The following BAHCC1 variants were observed in gnomAD, a reference collection of about 807,000 sequenced individuals.
The protein encoded by BAHCC1 is BAH and coiled-coil domain-containing protein 1.
Under a neutral mutation model 88.2 loss-of-function variants are expected in BAHCC1, and 43 were observed. That is an observed-to-expected ratio of 0.49 (90% CI 0.38 to 0.63). The LOEUF is 0.63. Ranked by LOEUF, BAHCC1 falls within the 20% of genes least tolerant of loss-of-function variation. BAHCC1 has a pLI of 0.00. For missense variants in BAHCC1, 3,023 were observed against 1,654.8 expected (o/e 1.83, Z -14.34); for synonymous variants, 1,510 against 745.5 (o/e 2.03, Z -16.71).
chr17:81,438,797 C>T (rs1353017037), intron 4 of BAHCC1, among the ~76,000 whole-genome samples: 2 of 152,196 alleles, frequency 1.3e-5, no homozygotes, highest in African/African-American at 4.8e-5. Flanking sequence ...CCACCGGCTT[C>T]CTCAGGACCT....
chr17:81,396,711 C>A (rs1215496664), intron 1 of BAHCC1: 1 of 152,212 alleles, frequency 6.6e-6, no homozygotes. Flanking sequence ...AGCTCCAGAT[C>A]CTGGAGCGCG....
chr17:81,451,457 GC>G (rs1598499528), intron 11 of BAHCC1, among the ~76,000 whole-genome samples: 1 of 152,200 alleles, frequency 6.6e-6, no homozygotes, highest in East Asian at 1.9e-4. Flanking sequence ...AGCTGGCCCT[GC>G]CTTACCACCA....
chr17:81,416,991 C>T (rs1555648828), intron 2 of BAHCC1, among the ~76,000 whole-genome samples: 2 of 152,144 alleles, frequency 1.3e-5, no homozygotes, highest in Non-Finnish European at 2.9e-5. Flanking sequence ...CCGTGTTGTC[C>T]CCTGCATGTC....
intron 10 of BAHCC1, 109 bp downstream of exon 10, chr17:81,445,790 T>C: frequency 1.6e-6 from 1 of 637,724 alleles, no homozygotes; most frequent in Non-Finnish European, 2.9e-6. Context: ...GCGCCACACC[T>C]GCCCAGACCC....
Position 81,442,703 on chromosome 17 carries a change from C to T in BAHCC1, c.1354C>T (p.Arg452Trp), listed in dbSNP as rs1170857681. The T allele has an allele frequency of 3.9e-6, 3 of 773,992 alleles. No individual in the cohort carries two copies. Among genetic ancestry groups the T allele is most frequent in the Non-Finnish European group, 7.2e-6 (3 of 415,590 alleles). 47.9% of individuals were successfully genotyped at this position (773,992 alleles called of 1,614,324 possible). Reference sequence around the variant, plus strand: ...CCTGAAGGCCGAGGGCAAGGGCGAGCGGCGGCCTGGGGGCTTTGAGGCGGC... The same window carrying T: ...CCTGAAGGCCGAGGGCAAGGGCGAGTGGCGGCCTGGGGGCTTTGAGGCGGC... ...AHLKAEGKGE[R>W]RPGGFEAALN... The change falls in exon 5 of 28, where the codon CGG becomes TGG. Residue 452 changes from arginine (R) to tryptophan (W), a missense_variant. By Grantham distance (101) the Arg-to-Trp change is moderately radical. Coordinates refer to ENST00000675386, the MANE Select transcript of BAHCC1 (RefSeq NM_001377448.1).
At chr17:81,418,778 T>TGTGC (rs2064069294) in intron 2 of BAHCC1, among the ~76,000 whole-genome samples, 1 of 108,966 alleles carries the variant, frequency 9.2e-6, no homozygotes, top group Non-Finnish European at 2.1e-5. Flanking sequence ...TGTGTGTACG[T>TGTGC]GTGTGTGTAC....
rs144370866 is a variant in BAHCC1 at position 81,440,713 on chromosome 17, C to T, written c.482-1118C>T. 3.5e-3 allele frequency among the ~76,000 whole-genome samples: 536 copies of T among 152,250 alleles called. 16 individuals are homozygous for T. The South Asian group carries it at 0.062, about 18-fold the overall frequency. ...CTAGCCGGGAAGGGAGGGCCCAGAC[C>T]GAGGGCCCAGGCTGGGCAACCGTTT... On this transcript the variant is annotated intron_variant, in intron 4 of 27. Transcript: ENST00000675386.
At chr17:81,438,964 C>T (rs1239010410) in intron 4 of BAHCC1, among the ~76,000 whole-genome samples, 3 of 152,044 alleles carry the variant, frequency 2.0e-5, no homozygotes, top group Non-Finnish European at 4.4e-5. Context: ...AGGCCCAGCC[C>T]CCAGCCCCCA....
chr17:81,431,023 G>A (rs1183385305), intron 3 of BAHCC1, among the ~76,000 whole-genome samples: 59 of 148,078 alleles, frequency 4.0e-4, no homozygotes, highest in East Asian at 8.0e-4. Flanking sequence ...GGGTCTCGGC[G>A]TGGGGGTGGA....
rs2064316487 is a variant in BAHCC1, at chr17:81,434,979, C to T, written c.359-3391C>T. ...TCCCCAGGGGTGAGAAGCCACCAGG[C>T]CTCCCTTCTCCAGGTGGGCAGGAGG... On this transcript the variant is annotated intron_variant, in intron 3 of 27. Coordinates refer to ENST00000675386, the MANE Select transcript of BAHCC1 (RefSeq NM_001377448.1). This position sits in a 1 kb window ranked among gnomAD's most constrained non-coding sequence, Gnocchi z 4.9. Among the ~76,000 whole-genome samples, 1 of 152,008 alleles carries T rather than the reference C, an allele frequency of 6.6e-6. No homozygotes were observed. Among genetic ancestry groups the T allele is most frequent in the Non-Finnish European group, 1.5e-5 (1 of 67,938 alleles).
In BAHCC1 at chr17:81,442,784, T is replaced by G. The variant is rs2064446854; in HGVS notation, c.1435T>G (p.Ser479Ala). Residue 479 changes from serine to alanine, a missense_variant, in exon 5 of 28, where the codon TCC (serine) becomes GCC (alanine). Ser to Ala is a moderately conservative substitution (Grantham distance 99, BLOSUM62 1). Transcript: ENST00000675386. ...TCTCAGCAGCGCAGGCCCCGAGGCC[T>G]CCTTCCCCGGACTCCCTAAAAGCGG... ...DYLSSAGPEA[S>A]FPGLPKSGLD... The G allele has an allele frequency of 1.3e-6, 1 of 779,410 alleles. No individual in the cohort carries two copies. Among genetic ancestry groups the G allele is most frequent in the African/African-American group, 1.7e-5 (1 of 59,152 alleles). 48.3% of individuals were successfully genotyped at this position (779,410 alleles called of 1,614,324 possible).
intron 4 of BAHCC1, among the ~76,000 whole-genome samples, chr17:81,439,903 C>T (rs1555652242): frequency 6.6e-6 from 1 of 152,148 alleles, no homozygotes; most frequent in Non-Finnish European, 1.5e-5. Context: ...GCCCCTCAGC[C>T]CCTTCTCCCC....
Position 81,455,393 on chromosome 17 carries a change from G to A in BAHCC1, c.4569+3G>A. On this transcript the variant is annotated splice_donor_region_variant and intron_variant, in intron 15 of 27. Transcript: ENST00000675386. Reference sequence around the variant, plus strand: ...CGGGCCTGCAGACTGCCTCCGTGGTGAGTGCCGAGGCGCCCGCCTTGCCCC... The same window carrying A: ...CGGGCCTGCAGACTGCCTCCGTGGTAAGTGCCGAGGCGCCCGCCTTGCCCC... The A allele has an allele frequency of 1.4e-6, 1 of 715,456 alleles. No homozygotes were observed. Among genetic ancestry groups the A allele is most frequent in the East Asian group, 2.7e-5 (1 of 37,282 alleles). The allele number at this position is 715,456 out of a possible 1,614,324, so 44.3% of individuals were successfully genotyped here. A position where few individuals can be genotyped will look rare whatever the true frequency, so the allele number is the denominator to read the frequency against.
At position 81,434,824 on chromosome 17, in the gene BAHCC1, G is replaced by A. The variant is rs1219152127; in HGVS notation, c.359-3546G>A. ...GCTGGCCTGGAGAGGGCAGGGCCTC[G>A]ACGTGCGGGGCTGTTGGGAAAATGT... is the stretch of plus-strand genomic sequence containing the variant. On this transcript the variant is annotated intron_variant, in intron 3 of 27. Transcript: ENST00000675386. This position sits in a 1 kb window ranked among gnomAD's most constrained non-coding sequence, Gnocchi z 4.9. Among the ~76,000 whole-genome samples the A allele has an allele frequency of 2.6e-5, 4 of 152,086 alleles. No individual in the cohort carries two copies. The highest frequency in any genetic ancestry group is 1.9e-4 in the East Asian group (1 of 5,182).
chr17:81,432,129 C>T (rs1255522269), intron 3 of BAHCC1, among the ~76,000 whole-genome samples: 3 of 152,204 alleles, frequency 2.0e-5, no homozygotes, highest in African/African-American at 7.2e-5. Flanking sequence ...GATACAGACA[C>T]AAAGAGCAAC....
chr17:81,459,047 C>T lies in BAHCC1; in HGVS notation c.5606-7C>T, dbSNP rs1363140382. The T allele has an allele frequency of 4.0e-6, 3 of 748,564 alleles. No individual in the cohort carries two copies. The highest frequency in any genetic ancestry group is 7.4e-6 in the Non-Finnish European group (3 of 402,828). 46.4% of individuals were successfully genotyped at this position (748,564 alleles called of 1,614,324 possible). ...CCGTGCCGGCCGCTGACACCTTGTG[C>T]CCACAGCGCGCTCGTGTGCCATCCA... On this transcript the variant is annotated splice_region_variant and splice_polypyrimidine_tract_variant and intron_variant, in intron 20 of 27. Coordinates refer to ENST00000675386, the MANE Select transcript of BAHCC1 (RefSeq NM_001377448.1).
chr17:81,417,535 C>G, intron 2 of BAHCC1, among the ~76,000 whole-genome samples: 1 of 147,738 alleles, frequency 6.8e-6, no homozygotes, highest in Non-Finnish European at 1.5e-5. Flanking sequence ...CGAGGAGGGA[C>G]GCCATGGGGA....
At chr17:81,441,400 C>T (rs1434265012) in intron 4 of BAHCC1, among the ~76,000 whole-genome samples, 5 of 152,176 alleles carry the variant, frequency 3.3e-5, no homozygotes, top group Admixed American at 6.5e-5. Flanking sequence ...CTGTGGCTCA[C>T]GCCTGTAATC....
intron 11 of BAHCC1, among the ~76,000 whole-genome samples, chr17:81,449,188 G>A (rs1055120699): frequency 9.2e-5 from 14 of 152,128 alleles, no homozygotes; most frequent in Admixed American, 2.0e-4. Context: ...GTCACACTCC[G>A]GCCAGGCCAG....
Sources: allele counts gnomAD v4.1 joint callset (sites outside exome capture counted in the v4.1 genomes callset), GRCh38; gene constraint gnomAD v4.1.1; non-coding constraint Gnocchi (gnomAD v3.1); transcripts MANE v1.5; gene names NCBI Gene and HGNC (gene_info 2026-07-23, HGNC 2026-07-21).